The following INSR variants were observed in gnomAD, a reference collection of about 807,000 sequenced individuals.
INSR encodes insulin receptor.
INSR carries 67 observed loss-of-function variants against 142.6 expected under a neutral mutation model. The observed-to-expected ratio is 0.47, with a 90% CI of 0.39 to 0.58. The LOEUF (loss-of-function observed/expected upper bound fraction) is 0.58, where lower values mean the gene tolerates loss of function less well. Ranked by LOEUF, INSR falls within the 20% of genes least tolerant of loss-of-function variation. The pLI, the probability that INSR is intolerant of heterozygous loss-of-function variation, is 0.00. For synonymous variants in INSR, 756 were observed against 743.1 expected (o/e 1.02, Z -0.28); for missense variants, 1,248 against 1,833.2 (o/e 0.68, Z 5.83).
rs1972339262 is a variant in INSR, at chr19:7,116,777, G to A, written c.*279C>T. The A allele has an allele frequency of 3.3e-6, 1 of 300,196 alleles. No individual in the cohort carries two copies. Among genetic ancestry groups the A allele is most frequent in the East Asian group, 5.8e-5 (1 of 17,314 alleles). The allele number at this position is 300,196 out of a possible 1,614,324, so 18.6% of individuals were successfully genotyped here. A position where few individuals can be genotyped will look rare whatever the true frequency, so the allele number is the denominator to read the frequency against. On this transcript the variant is annotated 3_prime_UTR_variant, in exon 22 of 22. Transcript: ENST00000302850. ...TCTGCTGGGGGCGGGTGGGGGGAACGAAAAAACACAAAATCCTGGTTTGAA... is the reference window on the plus strand; with the variant it reads ...TCTGCTGGGGGCGGGTGGGGGGAACAAAAAAACACAAAATCCTGGTTTGAA...
At position 7,174,273 on chromosome 19, in the gene INSR, T is replaced by C. The variant is rs569163165; in HGVS notation, c.1123+310A>G. ...CCCCACTGTACTCCAGCCTGGGCAATGGAGCAAGACCCCATCTCTAAAAAT... is the reference window on the plus strand; with the variant it reads ...CCCCACTGTACTCCAGCCTGGGCAACGGAGCAAGACCCCATCTCTAAAAAT... On this transcript the variant is annotated intron_variant, in intron 4 of 21. Transcript: ENST00000302850. Among the ~76,000 whole-genome samples the C allele has an allele frequency of 1.4e-4, 21 of 151,134 alleles. No homozygotes were observed. The South Asian group carries it at 4.4e-3, about 32-fold the overall frequency.
In INSR at chr19:7,162,247, C is replaced by T. The variant is rs145731878; in HGVS notation, c.2029+785G>A. Reference sequence around the variant, plus strand: ...GAGCCTGAGGCAGGAGAATCGCTTGCGCCTGGGAGGCAGAAGTTGCAATGA... The same window carrying T: ...GAGCCTGAGGCAGGAGAATCGCTTGTGCCTGGGAGGCAGAAGTTGCAATGA... On this transcript the variant is annotated intron_variant, in intron 9 of 21. Coordinates refer to ENST00000302850, the MANE Select transcript of INSR (RefSeq NM_000208.4). Among the ~76,000 whole-genome samples the T allele has an allele frequency of 6.5e-3, 967 of 148,268 alleles. 5 individuals carry two copies. The highest frequency in any genetic ancestry group is 0.065 in the Middle Eastern group (18 of 278).
intron 4 of INSR, among the ~76,000 whole-genome samples, chr19:7,172,908 A>G (rs1341546465): frequency 6.6e-6 from 1 of 151,534 alleles, no homozygotes; most frequent in Non-Finnish European, 1.5e-5. Context: ...AACCCCTGTT[A>G]GTCTCCATTT....
At chr19:7,126,437 G>A in intron 16 of INSR, 147 bp downstream of exon 16, 1 of 743,842 alleles carries the variant, frequency 1.3e-6, no homozygotes, top group South Asian at 1.5e-5. Flanking sequence ...GGTTTCTGCA[G>A]CAAGGGCAGT....
At chr19:7,154,493 G>A (rs752425601) in intron 9 of INSR, among the ~76,000 whole-genome samples, 8 of 150,006 alleles carry the variant, frequency 5.3e-5, no homozygotes, top group South Asian at 2.1e-4. Context: ...TAGTAGAGAT[G>A]GGGTTTCATT....
In INSR at chr19:7,125,206, G is replaced by A. The variant is rs376868968; in HGVS notation, c.3258+77C>T. On this transcript the variant is annotated intron_variant, in intron 17 of 21. Transcript: ENST00000302850. This position sits in a 1 kb window ranked among gnomAD's most constrained non-coding sequence, Gnocchi z 4.9. ...GAGGTTACACCCTGTGTCCTCTGTCGCTCTGTGCAGGAGGAGGAGGCAGAG... is the reference window on the plus strand; with the variant it reads ...GAGGTTACACCCTGTGTCCTCTGTCACTCTGTGCAGGAGGAGGAGGCAGAG... 5.5e-5 allele frequency: 86 copies of A among 1,573,128 alleles called. 1 individual carries two copies. The highest frequency in any genetic ancestry group is 2.5e-4 in the East Asian group (11 of 44,632).
intron 2 of INSR, among the ~76,000 whole-genome samples, chr19:7,264,281 C>T (rs534966341): frequency 1.4e-4 from 21 of 151,956 alleles, no homozygotes; most frequent in Admixed American, 2.6e-4. Context: ...TGCAGTGAGC[C>T]GAGATTGTGC....
Position 7,132,243 on chromosome 19 carries a change from C to A in INSR, c.2757G>T (p.Gly919=). Residue 919 remains glycine, a synonymous_variant, in exon 14 of 22, where the codon GGG becomes GGT. Transcript: ENST00000302850. ...RGCRLRGLSP[G]NYSVRIRATS... is the part of the protein sequence containing the mutation. ...TGGCCCGGATTCGCACGCTGTAGTTCCCCGGTGACAGCCCACGCAGCCTGC... is the reference window on the plus strand; with the variant it reads ...TGGCCCGGATTCGCACGCTGTAGTTACCCGGTGACAGCCCACGCAGCCTGC... The A allele has an allele frequency of 6.2e-7, 1 of 1,614,232 alleles. No homozygotes were observed. The highest frequency in any genetic ancestry group is 1.3e-5 in the African/African-American group (1 of 75,074).
chr19:7,208,959 C>T (rs1052679632), intron 2 of INSR, among the ~76,000 whole-genome samples: 1 of 151,388 alleles, frequency 6.6e-6, no homozygotes, highest in East Asian at 1.9e-4. Context: ...GCCAAGATGG[C>T]GCCACTGCAT....
intron 14 of INSR, among the ~76,000 whole-genome samples, chr19:7,131,023 T>G (rs1244781929): frequency 7.7e-6 from 1 of 130,378 alleles, no homozygotes; most frequent in Non-Finnish European, 1.6e-5. Flanking sequence ...GGACTGCGGG[T>G]GCACACCACT....
At chr19:7,283,704 T>G (rs576632850) in intron 1 of INSR, among the ~76,000 whole-genome samples, 303 of 152,260 alleles carry the variant, frequency 2.0e-3, no homozygotes, top group African/African-American at 7.0e-3. Flanking sequence ...CCTCCCAAAG[T>G]GCTGGGATTA....
At chr19:7,169,735 A>C (rs1243321989) in intron 6 of INSR, among the ~76,000 whole-genome samples, 3 of 152,212 alleles carry the variant, frequency 2.0e-5, no homozygotes, top group Admixed American at 2.0e-4. Flanking sequence ...AGTCTTCAGC[A>C]TCAGCCTGAT....
At position 7,129,818 on chromosome 19, in the gene INSR, A is replaced by G. The variant is rs567272807; in HGVS notation, c.2843-864T>C. 3.7e-4 allele frequency among the ~76,000 whole-genome samples: 56 copies of G among 151,814 alleles called. 1 individual carries two copies. The highest frequency in any genetic ancestry group is 3.2e-3 in the Admixed American group (48 of 15,222). On this transcript the variant is annotated intron_variant, in intron 14 of 21. Transcript: ENST00000302850. ...AGTGGCACAATCACAGTTCACCGCAACCTCAAATTCCTGGGCCCAAGTGAT... is the reference window on the plus strand; with the variant it reads ...AGTGGCACAATCACAGTTCACCGCAGCCTCAAATTCCTGGGCCCAAGTGAT...
At chr19:7,253,023 G>A (rs1976777192) in intron 2 of INSR, among the ~76,000 whole-genome samples, 1 of 151,642 alleles carries the variant, frequency 6.6e-6, no homozygotes, top group Non-Finnish European at 1.5e-5. Context: ...GCTGAGGCGG[G>A]GGAATCCCTT....
At chr19:7,158,893 A>G (rs1973680224) in intron 9 of INSR, among the ~76,000 whole-genome samples, 1 of 152,016 alleles carries the variant, frequency 6.6e-6, no homozygotes, top group African/African-American at 2.4e-5. Flanking sequence ...ATACCAATTT[A>G]CCATCTCAAT....
At chr19:7,220,223 T>C (rs992070933) in intron 2 of INSR, among the ~76,000 whole-genome samples, 1 of 152,206 alleles carries the variant, frequency 6.6e-6, no homozygotes. Context: ...GAATGCCTCC[T>C]CTCCAGAGAT....
At chr19:7,164,826 C>CAA (rs35639305) in intron 8 of INSR, among the ~76,000 whole-genome samples, 68 of 45,920 alleles carry the variant, frequency 1.5e-3, no homozygotes, top group Admixed American at 2.9e-3. Context: ...AACTCCATCT[C>CAA]AAAAAAAAAA....
intron 2 of INSR, among the ~76,000 whole-genome samples, chr19:7,250,548 A>G (rs28633204): frequency 1.4e-5 from 2 of 138,206 alleles, no homozygotes; most frequent in African/African-American, 5.3e-5. Context: ...AGAAGGAAGG[A>G]AGGGAGGAAA....
intron 2 of INSR, among the ~76,000 whole-genome samples, chr19:7,238,170 C>T (rs1247201284): frequency 6.6e-6 from 1 of 152,068 alleles, no homozygotes; most frequent in African/African-American, 2.4e-5. Context: ...TGTTTCCCTC[C>T]CACACTAAGG....
Sources: allele counts gnomAD v4.1 joint callset (sites outside exome capture counted in the v4.1 genomes callset), GRCh38; gene constraint gnomAD v4.1.1; non-coding constraint Gnocchi (gnomAD v3.1); transcripts MANE v1.5; gene names NCBI Gene and HGNC (gene_info 2026-07-23, HGNC 2026-07-21).